Variants in ATM observed in about 807,000 individuals in gnomAD.
The protein encoded by ATM is ATM serine/threonine kinase, also known as serine-protein kinase ATM.
In ATM, 308 loss-of-function variants were observed where a neutral mutation model predicts 387.0. That is an observed-to-expected ratio of 0.80 (90% CI 0.73 to 0.87). The LOEUF is 0.87. Ranked by LOEUF, ATM falls within the 40% of genes least tolerant of loss-of-function variation. The pLI is 0.00. For missense variants in ATM, 3,312 were observed against 3,560.9 expected (o/e 0.93, Z 1.78); for synonymous variants, 1,156 against 1,187.3 (o/e 0.97, Z 0.54).
At position 108,326,232 on chromosome 11, in the gene ATM, T is replaced by G. The variant is rs754834282; in HGVS notation, c.6975+7T>G. 6.2e-7 allele frequency: 1 copy of G among 1,614,124 alleles called. No homozygotes were observed. ...GGATGCCAGCTGTGCAGCGGTTTGT[T>G]TTTTTTATTGGCTGGATTAGTGTTT... On this transcript the variant is annotated splice_region_variant and intron_variant, in intron 47 of 62. Transcript: ENST00000675843.
rs565622131 is a variant in ATM, at chr11:108,256,248, C to A, written c.2158C>A (p.Arg720Ser). 6.2e-7 allele frequency: 1 copy of A among 1,609,212 alleles called. No individual in the cohort carries two copies. The highest frequency in any genetic ancestry group is 1.3e-5 in the African/African-American group (1 of 74,820). The change falls in exon 14 of 63, where the codon CGT (arginine) becomes AGT (serine). Residue 720 changes from arginine (R) to serine (S), a missense_variant. Coordinates refer to ENST00000675843, the MANE Select transcript of ATM (RefSeq NM_000051.4). The stretch of plus-strand genomic sequence containing the variant: ...TTCAGAAACTCTTGTCCGGTGTTCA[C>A]GTCTTTTGGTGGGTGTCCTTGGCTG... Reference protein sequence around the residue: ...TNSETLVRCSRLLVGVLGCYC... With the variant: ...TNSETLVRCSSLLVGVLGCYC...
intron 5 of ATM, among the ~76,000 whole-genome samples, chr11:108,237,527 ACTT>A (rs2079338798): frequency 6.6e-6 from 1 of 150,730 alleles, no homozygotes; most frequent in African/African-American, 2.4e-5. Context: ...CCCGGATGTT[ACTT>A]CTTATAATTA....
rs876660842 is a variant in ATM, at chr11:108,227,637, C to CT, written c.15dup (p.Asn6Ter). On this transcript the variant is annotated frameshift_variant, in exon 2 of 63. Transcript: ENST00000675843. LOFTEE classifies it high-confidence loss of function. ...GAAATTGTGAACCATGAGTCTAGTA[C>CT]TTAATGATCTGCTTATCTGCTGCCG... is the stretch of plus-strand genomic sequence containing the variant. 11 of 1,613,612 alleles carry CT rather than the reference C, an allele frequency of 6.8e-6. No individual in the cohort carries two copies. The highest frequency in any genetic ancestry group is 9.3e-6 in the Non-Finnish European group (11 of 1,179,830).
chr11:108,279,385 C>G, intron 22 of ATM, 106 bp from the exon 23 acceptor site: 1 of 824,746 alleles, frequency 1.2e-6, no homozygotes, highest in Non-Finnish European at 2.0e-6. Context: ...GTTATTATGT[C>G]TCACAGAGTG....
intron 26 of ATM, among the ~76,000 whole-genome samples, chr11:108,286,406 A>C (rs1360942529): frequency 6.6e-6 from 1 of 152,034 alleles, no homozygotes. Context: ...TTTACTGAAA[A>C]TGAAATTATA....
chr11:108,353,576 T>G (rs1284088196), intron 59 of ATM, among the ~76,000 whole-genome samples, 190 bp from the exon 60 acceptor site: 1 of 152,222 alleles, frequency 6.6e-6, no homozygotes, highest in African/African-American at 2.4e-5. Flanking sequence ...TATTTGGATT[T>G]GAGGTGGATC....
At chr11:108,313,432 C>T (rs1435436805) in intron 40 of ATM, among the ~76,000 whole-genome samples, 1 of 152,308 alleles carries the variant, frequency 6.6e-6, no homozygotes, top group East Asian at 1.9e-4. Flanking sequence ...TCCATTTATT[C>T]CAGTAAAATA....
At chr11:108,305,504 C>G (rs576680513) in intron 37 of ATM, among the ~76,000 whole-genome samples, 74 of 152,184 alleles carry the variant, frequency 4.9e-4, no homozygotes, top group South Asian at 1.7e-3. Flanking sequence ...CACTTGAACT[C>G]AGGAGGTAGA....
At chr11:108,279,287 T>C (rs535357682) in intron 22 of ATM, among the ~76,000 whole-genome samples, 4 of 152,344 alleles carry the variant, frequency 2.6e-5, no homozygotes, top group Admixed American at 2.6e-4. Context: ...AAAATAGATT[T>C]TGTATTCAAG....
rs1006711242 is a variant in ATM at position 108,251,175 on chromosome 11, A to G, written c.1607+103A>G. The G allele has an allele frequency of 2.0e-6, 3 of 1,526,084 alleles. No homozygotes were observed. In the African/African-American group the frequency reaches 4.1e-5, roughly 21 times the overall value. 94.5% of individuals were successfully genotyped at this position (1,526,084 alleles called of 1,614,324 possible). On this transcript the variant is annotated intron_variant, in intron 10 of 62. Coordinates refer to ENST00000675843, the MANE Select transcript of ATM (RefSeq NM_000051.4). ...TTTCATAGTTTGTTACTTCAGTTAA[A>G]GATGTCAAATTCTATTTCAGATGCT...
In ATM at chr11:108,368,575, A is replaced by C; in HGVS notation, c.*3067A>C. Reference sequence around the variant, plus strand: ...TTATAAGTACAAGTGTAATATGGACAGTATCTAACTTGAAAAGATTTCAGG... The same window carrying C: ...TTATAAGTACAAGTGTAATATGGACCGTATCTAACTTGAAAAGATTTCAGG... On this transcript the variant is annotated 3_prime_UTR_variant, in exon 63 of 63. Coordinates refer to ENST00000675843, the MANE Select transcript of ATM (RefSeq NM_000051.4). The C allele has an allele frequency of 4.6e-6, 1 of 218,448 alleles. No individual in the cohort carries two copies. The allele number at this position is 218,448 out of a possible 1,614,324, so 13.5% of individuals were successfully genotyped here.
intron 1 of ATM, chr11:108,224,030 G>A (rs1054677456): frequency 1.1e-4 from 16 of 152,206 alleles, no homozygotes; most frequent in African/African-American, 3.9e-4. Flanking sequence ...GAGATATCAG[G>A]AGACTTTCGA....
intron 7 of ATM, 62 bp from the exon 8 acceptor site, chr11:108,246,902 G>T (rs2135262963): frequency 7.3e-7 from 1 of 1,367,796 alleles, no homozygotes; most frequent in Non-Finnish European, 1.0e-6. Flanking sequence ...TAATTTTGTG[G>T]GAGCTAGCAG....
intron 24 of ATM, among the ~76,000 whole-genome samples, chr11:108,281,546 G>A (rs1475342279): frequency 6.6e-6 from 1 of 152,198 alleles, no homozygotes; most frequent in Admixed American, 6.5e-5. Context: ...AGGGCCAGAA[G>A]TCAAATTTTA....
intron 59 of ATM, among the ~76,000 whole-genome samples, chr11:108,351,877 C>G (rs564265804): frequency 6.6e-6 from 1 of 151,936 alleles, no homozygotes; most frequent in Non-Finnish European, 1.5e-5. Flanking sequence ...ACCTTTTTTT[C>G]CTTTTTTCTG....
intron 4 of ATM, among the ~76,000 whole-genome samples, chr11:108,235,230 A>G (rs2079206092): frequency 6.7e-6 from 1 of 150,206 alleles, no homozygotes; most frequent in Non-Finnish European, 1.5e-5. Flanking sequence ...CAGGAGGTGG[A>G]GGCTGCAGTG....
intron 42 of ATM, among the ~76,000 whole-genome samples, chr11:108,317,142 T>C (rs1316098959): frequency 2.0e-5 from 3 of 151,556 alleles, no homozygotes; most frequent in Non-Finnish European, 4.4e-5. Flanking sequence ...TCTTGGTTTG[T>C]TGTCCAGGCT....
rs2082300382 is a variant in ATM, at chr11:108,282,784, G to T, written c.3651G>T (p.Leu1217=). 1 of 1,605,404 alleles carries T rather than the reference G, an allele frequency of 6.2e-7. No homozygotes were observed. Among genetic ancestry groups the T allele is most frequent in the Non-Finnish European group, 8.5e-7 (1 of 1,172,586 alleles). The change falls in exon 25 of 63, where the codon CTG becomes CTT. Residue 1217 remains leucine (L), a synonymous_variant. Transcript: ENST00000675843. ...EDFMASHLDY[L]VLEWLNLQDT... is the part of the protein sequence containing the mutation. The stretch of plus-strand genomic sequence containing the variant: ...TTATGGCATCTCATTTAGATTATCT[G>T]GTTTTGGAATGGCTAAATCTTCAAG...
rs148305339 is a variant in ATM, at chr11:108,259,847, T to C, written c.2466+772T>C. On this transcript the variant is annotated intron_variant, in intron 16 of 62. Transcript: ENST00000675843. Reference sequence around the variant, plus strand: ...GGCATACAAAGTAGTTATTGAAATATCTATTGAGTGAAAACATATTCTGTA... The same window carrying C: ...GGCATACAAAGTAGTTATTGAAATACCTATTGAGTGAAAACATATTCTGTA... Among the ~76,000 whole-genome samples the C allele has an allele frequency of 3.3e-4, 51 of 152,264 alleles. No homozygotes were observed. In the East Asian group the frequency reaches 9.7e-3, roughly 29 times the overall value.
Sources: gnomAD v4.1 joint callset for allele counts (sites outside exome capture counted in the v4.1 genomes callset) on GRCh38, gnomAD v4.1.1 for gene constraint, MANE v1.5 for transcripts, NCBI Gene and HGNC (gene_info 2026-07-23, HGNC 2026-07-21) for gene names.